Variants in SAMD12 observed in about 807,000 individuals in gnomAD.
SAMD12 encodes the protein sterile alpha motif domain containing 12.
In SAMD12, 9 loss-of-function variants were observed where a neutral mutation model predicts 15.0. That is an observed-to-expected ratio of 0.60 (90% CI 0.36 to 1.05). The LOEUF is 1.05. Ranked by LOEUF, SAMD12 falls within the 50% of genes least tolerant of loss-of-function variation. The probability of loss-of-function intolerance (pLI) is 0.01; values close to 1 mark genes in which losing one functional copy is unlikely to be tolerated. For synonymous variants in SAMD12, 86 were observed against 90.1 expected, an observed-to-expected ratio of 0.96 and a Z score of 0.25; for missense variants, 230 against 234.2, an observed-to-expected ratio of 0.98 and a Z score of 0.12.
At chr8:118,150,731 A>G in the SAMD12 span, among the ~76,000 whole-genome samples, 1 of 152,202 alleles carries the variant, frequency 6.6e-6, no homozygotes, top group Non-Finnish European at 1.5e-5. Context: ...GAAGAAGAGT[A>G]TTTATATTTA....
the SAMD12 span, among the ~76,000 whole-genome samples, chr8:118,143,317 T>C: frequency 6.6e-6 from 1 of 152,224 alleles, no homozygotes; most frequent in Non-Finnish European, 1.5e-5. Context: ...ATAAATGTTT[T>C]TGCACAAATG....
intron 2 of SAMD12, among the ~76,000 whole-genome samples, chr8:118,491,554 C>T (rs1824440665): frequency 6.6e-6 from 1 of 152,118 alleles, no homozygotes; most frequent in African/African-American, 2.4e-5. Flanking sequence ...ATACCCTAAT[C>T]AAATATAAAA....
intron 4 of SAMD12, among the ~76,000 whole-genome samples, chr8:118,224,083 A>G (rs1812136798): frequency 6.6e-6 from 1 of 152,228 alleles, no homozygotes; most frequent in Non-Finnish European, 1.5e-5. Context: ...GAGGGAAGAG[A>G]CAATAAACAA....
At chr8:118,333,953 T>C (rs113713540) in intron 4 of SAMD12, among the ~76,000 whole-genome samples, 1,440 of 125,474 alleles carry the variant, frequency 0.011, 44 homozygotes, top group African/African-American at 0.039. Context: ...TGTGTGCACA[T>C]TGGCGGGGGG....
At chr8:118,520,317 A>G (rs1196645371) in intron 2 of SAMD12, among the ~76,000 whole-genome samples, 2 of 152,180 alleles carry the variant, frequency 1.3e-5, no homozygotes, top group Non-Finnish European at 2.9e-5. Context: ...GCCTACCTGA[A>G]CATTCTAACA....
chr8:118,609,881 C>T (rs957715095), intron 1 of SAMD12, among the ~76,000 whole-genome samples: 1 of 152,204 alleles, frequency 6.6e-6, no homozygotes, highest in African/African-American at 2.4e-5. Context: ...AGCAGAGCCC[C>T]TAGACAGCCT....
chr8:118,291,079 C>T (rs1167901061), intron 4 of SAMD12: 1 of 152,182 alleles, frequency 6.6e-6, no homozygotes, highest in Non-Finnish European at 1.5e-5. Flanking sequence ...TTTAATTGTG[C>T]CCAGTTCCTA....
At chr8:118,247,093 ATTGTCAC>A (rs1267086015) in intron 4 of SAMD12, among the ~76,000 whole-genome samples, 2 of 152,112 alleles carry the variant, frequency 1.3e-5, no homozygotes, top group Non-Finnish European at 2.9e-5. Context: ...AAAGTAGGAC[ATTGTCAC>A]TTGCAACAAC....
At chr8:118,180,075 T>G in the SAMD12 span, among the ~76,000 whole-genome samples, 1 of 152,214 alleles carries the variant, frequency 6.6e-6, no homozygotes, top group Non-Finnish European at 1.5e-5. Flanking sequence ...CAGTGCCCAG[T>G]AGACGGGGCT....
rs1266753594 is a variant in SAMD12 at position 118,215,517 on chromosome 8, GGTTA to G, written c.434-17789_434-17786del. The stretch of plus-strand genomic sequence containing the variant: ...TTAGGGTACATGTGCACATTGTGCA[GGTTA>G]GTTACATATGTATACATGTGCCATG... On this transcript the variant is annotated intron_variant, in intron 4 of 4. Coordinates refer to the SAMD12 transcript ENST00000409003. Among the ~76,000 whole-genome samples the G allele has an allele frequency of 3.3e-5, 5 of 152,072 alleles. No homozygotes were observed. The East Asian group carries it at 9.6e-4, about 29-fold the overall frequency.
chr8:118,588,293 T>C (rs1457051908), intron 1 of SAMD12, among the ~76,000 whole-genome samples: 1 of 152,176 alleles, frequency 6.6e-6, no homozygotes, highest in Non-Finnish European at 1.5e-5. Context: ...AGGCTTGGTT[T>C]AGCTAATAGA....
chr8:118,594,457 C>T lies in SAMD12; in HGVS notation c.14-13564G>A, dbSNP rs572635552. On this transcript the variant is annotated intron_variant, in intron 1 of 3. Transcript: ENST00000314727. ...TCTGTGTCCCCTATTTTGAAAACTA[C>T]GAAAGCTAAAGGTTTGAGTACTTCT... Among the ~76,000 whole-genome samples, 10 of 152,046 alleles carry T rather than the reference C, an allele frequency of 6.6e-5. 1 individual carries two copies. The South Asian group carries it at 1.7e-3, about 25-fold the overall frequency.
intron 4 of SAMD12, among the ~76,000 whole-genome samples, chr8:118,320,846 T>C (rs1033548769): frequency 6.9e-6 from 1 of 143,914 alleles, no homozygotes; most frequent in African/African-American, 2.5e-5. Flanking sequence ...TAAAAATCTA[T>C]AACAGAACAA....
At chr8:118,228,395 C>G (rs1000213451) in intron 4 of SAMD12, among the ~76,000 whole-genome samples, 4 of 152,098 alleles carry the variant, frequency 2.6e-5, no homozygotes, top group African/African-American at 9.7e-5. Context: ...TGACAAAGGA[C>G]TAATATCCAG....
chr8:118,333,396 T>G (rs1368744663), intron 4 of SAMD12, among the ~76,000 whole-genome samples: 3 of 152,172 alleles, frequency 2.0e-5, no homozygotes, highest in African/African-American at 7.2e-5. Flanking sequence ...TAGAAGCCAA[T>G]GCCCAGGCTT....
At chr8:118,544,404 G>C (rs1252207844) in intron 2 of SAMD12, among the ~76,000 whole-genome samples, 1 of 152,118 alleles carries the variant, frequency 6.6e-6, no homozygotes, top group Non-Finnish European at 1.5e-5. Context: ...GCACATGAGA[G>C]GTGTCTCTAG....
intron 4 of SAMD12, among the ~76,000 whole-genome samples, chr8:118,221,571 G>A (rs1812082709): frequency 6.6e-6 from 1 of 152,172 alleles, no homozygotes; most frequent in South Asian, 2.1e-4. Flanking sequence ...TTAATTGAGT[G>A]AGGGGTGGGA....
intron 2 of SAMD12, among the ~76,000 whole-genome samples, chr8:118,448,058 T>C (rs1432615336): frequency 6.6e-6 from 1 of 152,188 alleles, no homozygotes; most frequent in Non-Finnish European, 1.5e-5. Context: ...ACTCTTTCCT[T>C]AATACATTCT....
At chr8:118,559,689 A>T (rs1432721784) in intron 2 of SAMD12, among the ~76,000 whole-genome samples, 1 of 152,208 alleles carries the variant, frequency 6.6e-6, no homozygotes, top group African/African-American at 2.4e-5. Context: ...AATTAAAAAC[A>T]TTCTCTCCTC....
Sources: allele counts gnomAD v4.1 joint callset (sites outside exome capture counted in the v4.1 genomes callset), GRCh38; gene constraint gnomAD v4.1.1; transcripts MANE v1.5; gene names NCBI Gene and HGNC (gene_info 2026-07-23, HGNC 2026-07-21).